SNX29: variants seen among roughly 807,000 people sequenced by gnomAD.
SNX29 encodes the protein sorting nexin 29.
SNX29 carries 78 observed loss-of-function variants against 102.1 expected under a neutral mutation model. That is an observed-to-expected ratio of 0.76 (90% CI 0.64 to 0.92). SNX29 has a LOEUF of 0.92. Ranked by LOEUF, SNX29 falls within the 40% of genes least tolerant of loss-of-function variation. SNX29 has a pLI of 0.00. For missense variants in SNX29, 1,280 were observed against 1,061.7 expected (o/e 1.21, Z -2.86); for synonymous variants, 580 against 414.5 (o/e 1.40, Z -4.85).
chr16:12,002,816 C>T (rs775079386), intron 2 of SNX29, among the ~76,000 whole-genome samples, 175 bp from the exon 3 acceptor site: 18 of 152,142 alleles, frequency 1.2e-4, no homozygotes, highest in Non-Finnish European at 1.5e-5. Context: ...GGCTGGGGTG[C>T]GCACCTTCTT....
At chr16:12,545,596 C>A (rs1411518145) in intron 20 of SNX29, 1 of 152,208 alleles carries the variant, frequency 6.6e-6, no homozygotes, top group South Asian at 2.1e-4. Context: ...CCTCTGGAAT[C>A]CAGAGGTACA....
At chr16:12,563,282 G>C (rs1048802369) in intron 20 of SNX29, among the ~76,000 whole-genome samples, 173 of 152,220 alleles carry the variant, frequency 1.1e-3, no homozygotes, top group African/African-American at 3.7e-3. Context: ...GTCGGGTTCT[G>C]GATCCACAGC....
chr16:12,082,451 GAA>G (rs1356813008), intron 11 of SNX29, among the ~76,000 whole-genome samples: 4 of 152,338 alleles, frequency 2.6e-5, no homozygotes, highest in African/African-American at 9.6e-5. Context: ...TGTCTTTGAG[GAA>G]GTCACTGGCC....
intron 18 of SNX29, among the ~76,000 whole-genome samples, chr16:12,430,960 C>A (rs571663710): frequency 1.3e-5 from 2 of 151,386 alleles, no homozygotes; most frequent in Non-Finnish European, 2.9e-5. Context: ...TCAAATGATT[C>A]TCCTGCCTCA....
chr16:12,495,865 A>C (rs1276627941), intron 19 of SNX29, among the ~76,000 whole-genome samples: 1 of 152,154 alleles, frequency 6.6e-6, no homozygotes, highest in African/African-American at 2.4e-5. Context: ...CTGGCCTGGC[A>C]AACATGGTAA....
At chr16:12,409,122 C>CGTGAG (rs2084290327) in intron 18 of SNX29, among the ~76,000 whole-genome samples, 1 of 152,152 alleles carries the variant, frequency 6.6e-6, no homozygotes, top group African/African-American at 2.4e-5. Context: ...GTTTTTCATC[C>CGTGAG]GTGAGTACTT....
At chr16:12,498,027 C>G (rs1285650127) in intron 19 of SNX29, among the ~76,000 whole-genome samples, 1 of 152,188 alleles carries the variant, frequency 6.6e-6, no homozygotes, top group Non-Finnish European at 1.5e-5. Flanking sequence ...GGCAAAATAT[C>G]AAGGGGAGAC....
intron 13 of SNX29, among the ~76,000 whole-genome samples, chr16:12,181,204 G>C (rs909602220): frequency 7.2e-5 from 11 of 152,206 alleles, no homozygotes; most frequent in African/African-American, 2.7e-4. Context: ...ACAGGCCTCA[G>C]TTAATTTAGA....
chr16:12,441,635 C>T (rs552069596), intron 18 of SNX29, among the ~76,000 whole-genome samples: 1 of 152,164 alleles, frequency 6.6e-6, no homozygotes, highest in East Asian at 1.9e-4. Flanking sequence ...CGGTAAAGTC[C>T]AATTTATCTG....
intron 15 of SNX29, among the ~76,000 whole-genome samples, chr16:12,306,176 A>G (rs935332929): frequency 2.0e-5 from 3 of 152,130 alleles, no homozygotes; most frequent in East Asian, 1.9e-4. Flanking sequence ...TATTTTAGCA[A>G]TGGATTTCAG....
At chr16:12,292,277 T>G (rs1233968862) in intron 15 of SNX29, among the ~76,000 whole-genome samples, 2 of 152,152 alleles carry the variant, frequency 1.3e-5, no homozygotes, top group Non-Finnish European at 2.9e-5. Flanking sequence ...GCCTCCATAG[T>G]TCCTTTTTTA....
chr16:12,207,331 T>A (rs912634315), intron 14 of SNX29, among the ~76,000 whole-genome samples: 2 of 152,126 alleles, frequency 1.3e-5, no homozygotes, highest in African/African-American at 4.8e-5. Context: ...ATCGCACCAC[T>A]TCACTCCGGC....
chr16:12,455,316 C>G (rs1253251011), intron 18 of SNX29, among the ~76,000 whole-genome samples: 1 of 152,274 alleles, frequency 6.6e-6, no homozygotes. Context: ...GACTTCCAGA[C>G]CCTGGGTCTA....
intron 14 of SNX29, among the ~76,000 whole-genome samples, chr16:12,263,177 G>A (rs1309667975): frequency 6.7e-6 from 1 of 148,540 alleles, no homozygotes; most frequent in East Asian, 2.0e-4. Context: ...TGTCACCCAA[G>A]CTGGAGTGCA....
At chr16:11,979,444 A>G (rs1316032479) in intron 1 of SNX29, among the ~76,000 whole-genome samples, 3 of 152,190 alleles carry the variant, frequency 2.0e-5, no homozygotes, top group South Asian at 4.1e-4. Flanking sequence ...GTCCAACGAT[A>G]TATTTTGTTT....
At chr16:12,365,553 G>A (rs1262694908) in intron 16 of SNX29, among the ~76,000 whole-genome samples, 2 of 151,690 alleles carry the variant, frequency 1.3e-5, no homozygotes, top group African/African-American at 2.4e-5. Context: ...AGCCATGCAT[G>A]GTGGTGCGTG....
chr16:12,255,271 C>T (rs1158325617), intron 14 of SNX29, among the ~76,000 whole-genome samples: 1 of 152,198 alleles, frequency 6.6e-6, no homozygotes, highest in Non-Finnish European at 1.5e-5. Flanking sequence ...TCTCGGCTCA[C>T]TGCCACCTCT....
intron 3 of SNX29, among the ~76,000 whole-genome samples, chr16:12,021,361 G>A (rs1229076198): frequency 6.6e-6 from 1 of 152,060 alleles, no homozygotes; most frequent in African/African-American, 2.4e-5. Flanking sequence ...AGGAGACAGA[G>A]GTTGCAGTGA....
intron 19 of SNX29, among the ~76,000 whole-genome samples, chr16:12,501,970 C>T (rs752109592): frequency 6.6e-6 from 1 of 152,064 alleles, no homozygotes; most frequent in Non-Finnish European, 1.5e-5. Flanking sequence ...TGCACCAGGC[C>T]AACACTAGTT....
Sources: gnomAD v4.1 joint callset for allele counts (sites outside exome capture counted in the v4.1 genomes callset) on GRCh38, gnomAD v4.1.1 for gene constraint, MANE v1.5 for transcripts, NCBI Gene and HGNC (gene_info 2026-07-23, HGNC 2026-07-21) for gene names.